MTERF3: variants seen among roughly 807,000 people sequenced by gnomAD.
MTERF3 encodes mitochondrial transcription termination factor 3, also known as transcription termination factor 3, mitochondrial.
In MTERF3, 40 loss-of-function variants were observed where a neutral mutation model predicts 40.5. That is an observed-to-expected ratio of 0.99 (90% CI 0.77 to 1.29). The LOEUF is 1.29. MTERF3 is among the 50% of genes most tolerant of loss of function. The probability of loss-of-function intolerance (pLI) is 0.00; values close to 1 mark genes in which losing one functional copy is unlikely to be tolerated. For missense variants in MTERF3, 452 were observed against 478.2 expected (o/e 0.95, Z 0.51); for synonymous variants, 158 against 166.6 (o/e 0.95, Z 0.40).
At chr8:96,240,470 T>C (rs904161345) in intron 7 of MTERF3, among the ~76,000 whole-genome samples, 1 of 152,116 alleles carries the variant, frequency 6.6e-6, no homozygotes, top group Non-Finnish European at 1.5e-5. Flanking sequence ...AAATTTGCAC[T>C]CCTCCCCTTA....
chr8:96,250,982 C>T lies in MTERF3; in HGVS notation c.601G>A (p.Glu201Lys), dbSNP rs1275153748. 1 of 1,608,234 alleles carries T rather than the reference C, an allele frequency of 6.2e-7. No individual in the cohort carries two copies. The highest frequency in any genetic ancestry group is 8.5e-7 in the Non-Finnish European group (1 of 1,178,668). The change falls in exon 4 of 8, where the codon GAG (glutamate) becomes AAG (lysine). Residue 201 changes from glutamate (E) to lysine (K), a missense_variant. Transcript: ENST00000287025. ...MLLFLKDVGI[E>K]DNQLGAFLTK... ...AGGAATGCTCCCAGTTGGTTATCCT[C>T]TATACCCACATCTTTAAGAAACAGA...
In MTERF3 at chr8:96,258,354, T is replaced by G; in HGVS notation, c.334+3A>C. ...GGAGACTTTTCTGAAAGTTCAGAAT[T>G]ACCTTCTAGAAACAGCTCAGAATCA... is the stretch of plus-strand genomic sequence containing the variant. On this transcript the variant is annotated splice_donor_region_variant and intron_variant, in intron 2 of 7. Coordinates refer to ENST00000287025, the MANE Select transcript of MTERF3 (RefSeq NM_015942.5). 6.3e-7 allele frequency: 1 copy of G among 1,598,546 alleles called. No homozygotes were observed.
chr8:96,244,225 C>T (rs113173877), intron 6 of MTERF3, 145 bp from the exon 7 acceptor site: 6 of 627,240 alleles, frequency 9.6e-6, no homozygotes, highest in African/African-American at 9.3e-5. Flanking sequence ...TCTCCTGCCT[C>T]AGTCTCCCAA....
Position 96,239,523 on chromosome 8 carries a change from G to A in MTERF3, c.1222C>T (p.Gln408Ter). The A allele has an allele frequency of 6.2e-7, 1 of 1,610,042 alleles. No individual in the cohort carries two copies. The highest frequency in any genetic ancestry group is 1.1e-5 in the South Asian group (1 of 90,408). ...FCEEIAKASV[Q>*]DFEKFLKTL is the part of the protein sequence containing the mutation. ...GTTTTTAAGAATTTTTCAAAGTCCTGTACTGATGCTTTGGCAATCTCTTCA... is the reference window on the plus strand; with the variant it reads ...GTTTTTAAGAATTTTTCAAAGTCCTATACTGATGCTTTGGCAATCTCTTCA... Residue 408 changes from glutamine (Q) to a stop codon, truncating the protein, a stop_gained, in exon 8 of 8, where the codon CAG becomes TAG. Transcript: ENST00000287025. LOFTEE classifies it high-confidence loss of function.
intron 3 of MTERF3, among the ~76,000 whole-genome samples, chr8:96,256,429 GAAAC>G (rs1312820321): frequency 2.0e-5 from 3 of 152,026 alleles, no homozygotes; most frequent in Non-Finnish European, 2.9e-5. Flanking sequence ...TTTAACCCCA[GAAAC>G]AAACAAACAA....
chr8:96,239,732 T>C, intron 7 of MTERF3, 47 bp from the exon 8 acceptor site: 1 of 1,471,402 alleles, frequency 6.8e-7, no homozygotes, highest in Non-Finnish European at 9.2e-7. Flanking sequence ...CACGGGAGGA[T>C]GAAATATTAA....
intron 7 of MTERF3, among the ~76,000 whole-genome samples, chr8:96,242,692 A>G (rs1038802277): frequency 3.3e-5 from 5 of 152,252 alleles, no homozygotes; most frequent in African/African-American, 4.8e-5. Context: ...TATTACTTCT[A>G]TAATTCTCCT....
rs372542379 is a variant in MTERF3, at chr8:96,250,899, G to C, written c.677+7C>G. ...AGGTTATATGAGAATCCTTTTAAAA[G>C]TCCTACCTGGTCTTCAGATTTTCAA... is the stretch of plus-strand genomic sequence containing the variant. On this transcript the variant is annotated splice_region_variant and intron_variant, in intron 4 of 7. Coordinates refer to ENST00000287025, the MANE Select transcript of MTERF3 (RefSeq NM_015942.5). 170 of 1,596,956 alleles carry C rather than the reference G, an allele frequency of 1.1e-4. 1 individual carries two copies. The South Asian group carries it at 1.8e-3, about 17-fold the overall frequency.
At chr8:96,254,511 T>C (rs1810247090) in intron 3 of MTERF3, among the ~76,000 whole-genome samples, 1 of 152,168 alleles carries the variant, frequency 6.6e-6, no homozygotes, top group African/African-American at 2.4e-5. Context: ...GTAGCATTAG[T>C]CATTCTGTGC....
intron 4 of MTERF3, among the ~76,000 whole-genome samples, chr8:96,246,699 A>G (rs1810028303): frequency 6.6e-6 from 1 of 152,212 alleles, no homozygotes; most frequent in Non-Finnish European, 1.5e-5. Context: ...GAAATCCACT[A>G]ATAGGTATTA....
chr8:96,244,015 C>T lies in MTERF3; in HGVS notation c.963G>A (p.Lys321=). 1 of 1,613,828 alleles carries T rather than the reference C, an allele frequency of 6.2e-7. No individual in the cohort carries two copies. Among genetic ancestry groups the T allele is most frequent in the Non-Finnish European group, 8.5e-7 (1 of 1,179,750 alleles). ...EIQHMITRIP[K]MLTANKMKLT... ...GTTTCATTTTATTTGCAGTTAACAT[C>T]TTTGGGATTCTGGTGATCATATGTT... is the stretch of plus-strand genomic sequence containing the variant. Residue 321 remains lysine, a synonymous_variant, in exon 7 of 8, where the codon AAG becomes AAA. Coordinates refer to ENST00000287025, the MANE Select transcript of MTERF3 (RefSeq NM_015942.5).
At chr8:96,259,081 G>C (rs896875032) in intron 1 of MTERF3, among the ~76,000 whole-genome samples, 2 of 152,246 alleles carry the variant, frequency 1.3e-5, no homozygotes, top group African/African-American at 4.8e-5. Flanking sequence ...ATGCAAATAA[G>C]TGTTCTTGAA....
chr8:96,251,015 G>C lies in MTERF3; in HGVS notation c.568C>G (p.Gln190Glu). 2 of 1,605,390 alleles carry C rather than the reference G, an allele frequency of 1.2e-6. No homozygotes were observed. Among genetic ancestry groups the C allele is most frequent in the South Asian group, 1.1e-5 (1 of 88,646 alleles). Residue 190 changes from glutamine (Q) to glutamate (E), a missense_variant, in exon 4 of 8, where the codon CAA becomes GAA. By Grantham distance (29) the Gln-to-Glu change is conservative. Transcript: ENST00000287025. ...LRLDFEKDIK[Q>E]MLLFLKDVGI... ...ACATCTTTAAGAAACAGAAGCATTT[G>C]CTTAATGTCTTTTTCAAAATCCAGT...
intron 1 of MTERF3, among the ~76,000 whole-genome samples, chr8:96,261,294 C>A (rs1300085594): frequency 2.0e-5 from 3 of 152,250 alleles, no homozygotes; most frequent in Non-Finnish European, 4.4e-5. Context: ...CCTCCTGAGG[C>A]TTCTCACACT....
chr8:96,250,380 G>GTTAA lies in MTERF3; in HGVS notation c.677+522_677+525dup, dbSNP rs1445817695. Among the ~76,000 whole-genome samples the GTTAA allele has an allele frequency of 4.8e-4, 70 of 145,186 alleles. 1 individual carries two copies. The highest frequency in any genetic ancestry group is 1.5e-3 in the African/African-American group (61 of 40,372). ...GTATTCCAGTTTCTAAAGAGAAAGA[G>GTTAA]TTAATTACTGACTCAGTAATAAGTT... On this transcript the variant is annotated intron_variant, in intron 4 of 7. Coordinates refer to ENST00000287025, the MANE Select transcript of MTERF3 (RefSeq NM_015942.5).
At chr8:96,251,117 G>A in intron 3 of MTERF3, 22 bp from the exon 4 acceptor site, 1 of 1,537,278 alleles carries the variant, frequency 6.5e-7, no homozygotes, top group Non-Finnish European at 8.7e-7. Flanking sequence ...TATAAATACT[G>A]TTTGAAGATG....
chr8:96,250,848 A>G, intron 4 of MTERF3, 58 bp downstream of exon 4: 1 of 1,488,988 alleles, frequency 6.7e-7, no homozygotes, highest in Non-Finnish European at 9.1e-7. Context: ...TACCTTCCAC[A>G]TATATTTCCT....
At chr8:96,256,437 C>G (rs887164972) in intron 3 of MTERF3, among the ~76,000 whole-genome samples, 2 of 152,040 alleles carry the variant, frequency 1.3e-5, no homozygotes, top group Non-Finnish European at 2.9e-5. Flanking sequence ...CAGAAACAAA[C>G]AAACAAACAA....
chr8:96,260,781 T>C (rs1269010836), intron 1 of MTERF3, among the ~76,000 whole-genome samples: 2 of 152,244 alleles, frequency 1.3e-5, no homozygotes, highest in Non-Finnish European at 2.9e-5. Context: ...TCTTAACAAT[T>C]GATTAACTGT....
Sources: allele counts gnomAD v4.1 joint callset (sites outside exome capture counted in the v4.1 genomes callset), GRCh38; gene constraint gnomAD v4.1.1; transcripts MANE v1.5; gene names NCBI Gene and HGNC (gene_info 2026-07-23, HGNC 2026-07-21).